CNTN4: variants seen among roughly 807,000 people sequenced by gnomAD.
CNTN4 encodes the protein contactin 4.
In CNTN4, 77 loss-of-function variants were observed where a neutral mutation model predicts 122.5. The observed-to-expected ratio is 0.63, with a 90% CI of 0.52 to 0.76. CNTN4 has a LOEUF of 0.76. Among genes scored for constraint, CNTN4 ranks in the 30% least tolerant of loss-of-function variants. The probability of loss-of-function intolerance (pLI) is 0.00; values close to 1 mark genes in which losing one functional copy is unlikely to be tolerated. For synonymous variants in CNTN4, 512 were observed against 447.0 expected (o/e 1.15, Z -1.83); for missense variants, 1,256 against 1,259.1 (o/e 1.00, Z 0.04).
intron 8 of CNTN4, among the ~76,000 whole-genome samples, chr3:2,879,634 GA>G (rs11350302): frequency 0.25 from 38,459 of 151,932 alleles, 4,965 homozygotes; most frequent in Middle Eastern, 0.35. Flanking sequence ...GAAATATTCA[GA>G]AAAAAAGCAA....
At position 2,423,193 on chromosome 3, in the gene CNTN4, A is replaced by G. The variant is rs562833182; in HGVS notation, c.-89+83960A>G. Among the ~76,000 whole-genome samples the G allele has an allele frequency of 7.2e-5, 11 of 152,316 alleles. 1 individual carries two copies. The South Asian group carries it at 2.3e-3, about 32-fold the overall frequency. On this transcript the variant is annotated intron_variant, in intron 3 of 24. Coordinates refer to ENST00000418658, the MANE Select transcript of CNTN4 (RefSeq NM_175607.3). ...GTAACTGCCCTCTGGAAAGCCTCACAAGTTGTTGCCTTTCTTTCTTTATTT... is the reference window on the plus strand; with the variant it reads ...GTAACTGCCCTCTGGAAAGCCTCACGAGTTGTTGCCTTTCTTTCTTTATTT...
intron 3 of CNTN4, among the ~76,000 whole-genome samples, chr3:2,343,515 C>G (rs1305841921): frequency 6.6e-6 from 1 of 152,200 alleles, no homozygotes; most frequent in Admixed American, 6.5e-5. Flanking sequence ...CCTTCATTTA[C>G]ATAGTGTAAC....
rs183206850 is a variant in CNTN4 at position 2,885,285 on chromosome 3, C to G, written c.756-1755C>G. ...TGATTTGCAGATTCAATGATGCCCT[C>G]TCTGCAATTTAAGATTTGTTCCAAC... On this transcript the variant is annotated intron_variant, in intron 9 of 24. Coordinates refer to ENST00000418658, the MANE Select transcript of CNTN4 (RefSeq NM_175607.3). 3.5e-4 allele frequency among the ~76,000 whole-genome samples: 53 copies of G among 152,300 alleles called. No individual in the cohort carries two copies. The East Asian group carries it at 7.7e-3, about 22-fold the overall frequency.
intron 3 of CNTN4, among the ~76,000 whole-genome samples, chr3:2,479,089 C>A (rs2075912524): frequency 1.3e-5 from 2 of 152,060 alleles, no homozygotes; most frequent in South Asian, 4.1e-4. Flanking sequence ...CTTTCTGTCA[C>A]TTTGGCACAG....
At chr3:2,800,873 C>G (rs887995722) in intron 6 of CNTN4, among the ~76,000 whole-genome samples, 1 of 152,186 alleles carries the variant, frequency 6.6e-6, no homozygotes, top group Admixed American at 6.5e-5. Flanking sequence ...CGTAAACATT[C>G]ATCTGGCTAA....
intron 2 of CNTN4, among the ~76,000 whole-genome samples, chr3:2,290,609 A>G (rs2042097900): frequency 1.3e-5 from 2 of 152,202 alleles, no homozygotes; most frequent in African/African-American, 4.8e-5. Flanking sequence ...ATGAAATCAC[A>G]ATTGTCAAAT....
chr3:2,787,532 C>G (rs1413570915), intron 6 of CNTN4, among the ~76,000 whole-genome samples: 7 of 152,110 alleles, frequency 4.6e-5, no homozygotes, highest in Non-Finnish European at 1.5e-5. Flanking sequence ...AGTGTCCGAA[C>G]TTTTTACAAG....
intron 3 of CNTN4, among the ~76,000 whole-genome samples, chr3:2,505,836 G>A (rs1156494130): frequency 6.6e-6 from 1 of 152,126 alleles, no homozygotes. Flanking sequence ...TCTGCTTTAC[G>A]CTCTGATTTA....
intron 4 of CNTN4, among the ~76,000 whole-genome samples, chr3:2,625,244 C>A (rs148167441): frequency 6.6e-6 from 1 of 152,152 alleles, no homozygotes. Flanking sequence ...CCTCCCACAA[C>A]GCCACAAGAG....
At chr3:2,809,823 T>A (rs1250276946) in intron 6 of CNTN4, among the ~76,000 whole-genome samples, 1 of 152,160 alleles carries the variant, frequency 6.6e-6, no homozygotes, top group Non-Finnish European at 1.5e-5. Flanking sequence ...ACAGGGAAAC[T>A]CAGACATTTT....
At chr3:2,465,920 A>G (rs758621455) in intron 3 of CNTN4, among the ~76,000 whole-genome samples, 2 of 152,194 alleles carry the variant, frequency 1.3e-5, no homozygotes, top group Non-Finnish European at 2.9e-5. Flanking sequence ...TGTGCAATTC[A>G]TAATTGGAAG....
intron 14 of CNTN4, among the ~76,000 whole-genome samples, chr3:2,998,167 A>G (rs17024478): frequency 0.046 from 6,935 of 152,254 alleles, 212 homozygotes; most frequent in African/African-American, 0.087. Flanking sequence ...GTCACTGTGC[A>G]ATTTGTACCA....
chr3:3,018,997 G>T (rs1698025041), intron 14 of CNTN4, among the ~76,000 whole-genome samples: 1 of 152,162 alleles, frequency 6.6e-6, no homozygotes, highest in Non-Finnish European at 1.5e-5. Context: ...GAGCATCAGT[G>T]TAAATAATGA....
Position 3,040,249 on chromosome 3 carries a change from G to A in CNTN4, c.2376G>A (p.Thr792=), listed in dbSNP as rs150012927. The A allele has an allele frequency of 2.2e-4, 348 of 1,613,624 alleles. 2 individuals carry two copies. Among genetic ancestry groups the A allele is most frequent in the South Asian group, 4.0e-4 (36 of 91,062 alleles). The change falls in exon 20 of 25, where the codon ACG becomes ACA. Residue 792 remains threonine, a synonymous_variant. Coordinates refer to ENST00000418658, the MANE Select transcript of CNTN4 (RefSeq NM_175607.3). The part of the protein sequence containing the change: ...NKGEGPFSPT[T]VVYSAEEEPT... ...GAGAAGGCCCTTTCAGTCCCACCAC[G>A]GTGGTGTATTCTGCAGAAGAAGGTA...
intron 2 of CNTN4, among the ~76,000 whole-genome samples, chr3:2,204,104 A>G (rs1187276155): frequency 1.3e-5 from 2 of 152,202 alleles, no homozygotes; most frequent in African/African-American, 4.8e-5. Context: ...TATAACATGT[A>G]TCTGAGTTTT....
intron 3 of CNTN4, among the ~76,000 whole-genome samples, chr3:2,504,854 A>G (rs189771212): frequency 6.6e-6 from 1 of 152,290 alleles, no homozygotes; most frequent in African/African-American, 2.4e-5. Context: ...TAGGCTCTTT[A>G]AAAATGTCAA....
chr3:2,658,054 C>A (rs184004932), intron 4 of CNTN4, among the ~76,000 whole-genome samples: 1 of 147,102 alleles, frequency 6.8e-6, no homozygotes. Flanking sequence ...AGATACTGTG[C>A]GAAGTGAACT....
chr3:2,603,189 A>C (rs1387565982), intron 4 of CNTN4, among the ~76,000 whole-genome samples: 1 of 152,136 alleles, frequency 6.6e-6, no homozygotes, highest in East Asian at 1.9e-4. Flanking sequence ...CTATGTGATT[A>C]GGGAATGATG....
chr3:2,121,082 C>A (rs76760711), intron 2 of CNTN4, among the ~76,000 whole-genome samples: 1 of 135,368 alleles, frequency 7.4e-6, no homozygotes, highest in Non-Finnish European at 1.7e-5. Context: ...CTTCCTCCCT[C>A]CCTTCCTTCC....
Sources: allele counts gnomAD v4.1 joint callset (sites outside exome capture counted in the v4.1 genomes callset), GRCh38; gene constraint gnomAD v4.1.1; transcripts MANE v1.5; gene names NCBI Gene and HGNC (gene_info 2026-07-23, HGNC 2026-07-21).